Variants in LHX8 observed in about 807,000 individuals in gnomAD.
The protein encoded by LHX8 is LIM/homeobox protein Lhx8.
In LHX8, 12 loss-of-function variants were observed where a neutral mutation model predicts 40.3. The observed-to-expected ratio is 0.30, with a 90% CI of 0.19 to 0.48. The LOEUF (loss-of-function observed/expected upper bound fraction) is 0.48. Ranked by LOEUF, LHX8 falls within the 20% of genes least tolerant of loss-of-function variation. LHX8 has a pLI of 0.99. For missense variants in LHX8, 344 were observed against 433.7 expected (o/e 0.79, Z 1.84); for synonymous variants, 179 against 162.0 (o/e 1.10, Z -0.80).
At chr1:75,189,702 A>G in the LHX8 span, among the ~76,000 whole-genome samples, 1 of 152,244 alleles carries the variant, frequency 6.6e-6, no homozygotes, top group East Asian at 1.9e-4. Flanking sequence ...ACAATAATAT[A>G]AAACATACTA....
At chr1:75,133,325 GCTAT>G (rs35521279), upstream of LHX8, among the ~76,000 whole-genome samples, 32,326 of 151,990 alleles carry the variant, frequency 0.21, 4,593 homozygotes, top group East Asian at 0.76. Context: ...CACAGGAAAG[GCTAT>G]CTATCTCCTC....
At chr1:75,197,195 G>C in the LHX8 span, among the ~76,000 whole-genome samples, 1 of 152,218 alleles carries the variant, frequency 6.6e-6, no homozygotes, top group East Asian at 1.9e-4. Flanking sequence ...GATTTGGCAT[G>C]TTTCATATCG....
chr1:75,150,190 A>T (rs1264242065), intron 7 of LHX8, among the ~76,000 whole-genome samples: 2 of 152,168 alleles, frequency 1.3e-5, no homozygotes, highest in African/African-American at 4.8e-5. Context: ...GTCAGCCATG[A>T]TAGTACCACT....
intron 4 of LHX8, 75 bp from the exon 5 acceptor site, chr1:75,143,043 C>T: frequency 9.0e-7 from 1 of 1,107,110 alleles, no homozygotes; most frequent in East Asian, 2.3e-5. Flanking sequence ...AGATAATGTG[C>T]TGGTTTAATA....
chr1:75,136,718 A>G (rs2100330904), intron 2 of LHX8, 29 bp downstream of exon 2: 2 of 1,525,682 alleles, frequency 1.3e-6, no homozygotes, highest in East Asian at 4.9e-5. Flanking sequence ...GCGTGCTGGC[A>G]AGACTGGCCG....
At chr1:75,138,101 G>A (rs1648205400) in intron 3 of LHX8, among the ~76,000 whole-genome samples, 1 of 152,190 alleles carries the variant, frequency 6.6e-6, no homozygotes. Context: ...GAATTTTGGA[G>A]TAGAAATTTT....
At chr1:75,199,113 T>A in the LHX8 span, among the ~76,000 whole-genome samples, 2 of 152,326 alleles carry the variant, frequency 1.3e-5, no homozygotes, top group East Asian at 3.9e-4. Flanking sequence ...AAAAATAATT[T>A]TATTTGCTTA....
At chr1:75,144,562 AT>A (rs139556498) in intron 6 of LHX8, among the ~76,000 whole-genome samples, 1 of 151,738 alleles carries the variant, frequency 6.6e-6, no homozygotes, top group African/African-American at 2.4e-5. Context: ...AAAGGGAGGG[AT>A]TTTTTTTAGC....
chr1:75,135,021 C>T (rs1425619008), intron 1 of LHX8, 67 bp downstream of exon 1: 3 of 767,998 alleles, frequency 3.9e-6, no homozygotes, highest in African/African-American at 1.9e-5. Flanking sequence ...GTCGGGAGGA[C>T]TGGGCGGCTG....
At chr1:75,146,769 T>C (rs1172073094) in intron 6 of LHX8, among the ~76,000 whole-genome samples, 2 of 152,182 alleles carry the variant, frequency 1.3e-5, no homozygotes, top group Non-Finnish European at 2.9e-5. Context: ...CTCATCTTAC[T>C]TTTCCTTTAG....
intron 7 of LHX8, among the ~76,000 whole-genome samples, chr1:75,156,476 A>G (rs545502812): frequency 9.2e-5 from 14 of 152,234 alleles, no homozygotes; most frequent in African/African-American, 3.4e-4. Context: ...CCCTCACCTC[A>G]GGTGATCTGC....
chr1:75,186,306 C>T, the LHX8 span, among the ~76,000 whole-genome samples: 1 of 152,142 alleles, frequency 6.6e-6, no homozygotes. Context: ...TACAGGGCCA[C>T]TGTAACCAAA....
the LHX8 span, among the ~76,000 whole-genome samples, chr1:75,196,585 G>T: frequency 2.0e-5 from 3 of 151,910 alleles, no homozygotes; most frequent in Admixed American, 1.3e-4. Flanking sequence ...CTAATGCTTG[G>T]CTCAGTGGTT....
At chr1:75,141,218 T>C in intron 4 of LHX8, 112 bp downstream of exon 4, 1 of 1,145,464 alleles carries the variant, frequency 8.7e-7, no homozygotes, top group Non-Finnish European at 1.2e-6. Flanking sequence ...CAGTTTTTCT[T>C]ATTTAAGAGA....
chr1:75,130,469 T>G (rs1570279424), upstream of LHX8: 1 of 574,784 alleles, frequency 1.7e-6, no homozygotes. Flanking sequence ...GATTCCCGGG[T>G]GTCCCGCGTG....
the LHX8 span, among the ~76,000 whole-genome samples, chr1:75,190,744 C>G: frequency 6.6e-6 from 1 of 152,100 alleles, no homozygotes; most frequent in African/African-American, 2.4e-5. Context: ...TATTCTGGAG[C>G]TGGAACTTTT....
At chr1:75,181,558 G>T in the LHX8 span, among the ~76,000 whole-genome samples, 1 of 152,176 alleles carries the variant, frequency 6.6e-6, no homozygotes, top group African/African-American at 2.4e-5. Context: ...TTGGAAAAGC[G>T]CAGTGTTTAG....
At chr1:75,136,542 G>C (rs1648137180) in intron 1 of LHX8, 61 bp from the exon 2 acceptor site, 1 of 1,248,368 alleles carries the variant, frequency 8.0e-7, no homozygotes, top group South Asian at 1.3e-5. Flanking sequence ...GGCTGGGGCG[G>C]GCAGCACGCT....
At chr1:75,155,525 C>T (rs1405175437) in intron 7 of LHX8, among the ~76,000 whole-genome samples, 35 of 152,122 alleles carry the variant, frequency 2.3e-4, no homozygotes, top group African/African-American at 7.0e-4. Flanking sequence ...TGAGCCACTG[C>T]GCCCGGCCCA....
Sources: allele counts gnomAD v4.1 joint callset (sites outside exome capture counted in the v4.1 genomes callset), GRCh38; gene constraint gnomAD v4.1.1; transcripts MANE v1.5; gene names NCBI Gene and HGNC (gene_info 2026-07-23, HGNC 2026-07-21).